FAM78B: variants seen among roughly 807,000 people sequenced by gnomAD.
FAM78B encodes family with sequence similarity 78 member B.
Under a neutral mutation model 20.0 loss-of-function variants are expected in FAM78B, and 10 were observed. That is an observed-to-expected ratio of 0.50 (90% CI 0.31 to 0.85). FAM78B has a LOEUF of 0.85. Ranked by LOEUF, FAM78B falls within the 40% of genes least tolerant of loss-of-function variation. FAM78B has a pLI of 0.05. For missense variants in FAM78B, 283 were observed against 345.0 expected (o/e 0.82, Z 1.42); for synonymous variants, 135 against 132.8 (o/e 1.02, Z -0.12).
intron 1 of FAM78B, chr1:166,147,693 G>A (rs12031538): frequency 0.21 from 31,328 of 152,022 alleles, 3,880 homozygotes; most frequent in South Asian, 0.39. Flanking sequence ...GTGGAGCAGT[G>A]CAATCATAGC....
intron 1 of FAM78B, among the ~76,000 whole-genome samples, chr1:166,084,949 A>T (rs977241633): frequency 6.6e-6 from 1 of 152,188 alleles, no homozygotes; most frequent in African/African-American, 2.4e-5. Context: ...TGAACACCTA[A>T]TGCCTTTCTT....
intron 1 of FAM78B, among the ~76,000 whole-genome samples, chr1:166,158,963 G>C (rs1656029292): frequency 1.3e-5 from 2 of 152,234 alleles, no homozygotes; most frequent in South Asian, 4.1e-4. Flanking sequence ...CTTGTGGCCT[G>C]CTTGGTGTTA....
At chr1:166,140,943 C>G (rs1655253563) in intron 1 of FAM78B, among the ~76,000 whole-genome samples, 1 of 152,196 alleles carries the variant, frequency 6.6e-6, no homozygotes, top group Non-Finnish European at 1.5e-5. Flanking sequence ...TGGCAACTTA[C>G]TTGGAGTTCA....
At chr1:166,140,754 G>T (rs1343375748) in intron 1 of FAM78B, among the ~76,000 whole-genome samples, 2 of 152,074 alleles carry the variant, frequency 1.3e-5, no homozygotes, top group Non-Finnish European at 2.9e-5. Flanking sequence ...CCTTTTTTGG[G>T]GGTATGATTT....
At chr1:166,134,875 A>G (rs934407968) in intron 1 of FAM78B, among the ~76,000 whole-genome samples, 1 of 152,236 alleles carries the variant, frequency 6.6e-6, no homozygotes, top group Non-Finnish European at 1.5e-5. Context: ...TCTAGGAGTA[A>G]TGATTTTCAC....
At chr1:166,084,351 C>A (rs775972142) in intron 1 of FAM78B, among the ~76,000 whole-genome samples, 2 of 152,054 alleles carry the variant, frequency 1.3e-5, no homozygotes, top group Non-Finnish European at 2.9e-5. Flanking sequence ...AGCCTAGATG[C>A]CCTTTCTGGC....
intron 1 of FAM78B, among the ~76,000 whole-genome samples, chr1:166,114,212 T>C (rs1654173689): frequency 6.6e-6 from 1 of 152,188 alleles, no homozygotes; most frequent in Non-Finnish European, 1.5e-5. Flanking sequence ...ACATGCATGA[T>C]CCAACTAAAT....
At chr1:166,109,653 C>T (rs1418504417) in intron 1 of FAM78B, among the ~76,000 whole-genome samples, 1 of 150,670 alleles carries the variant, frequency 6.6e-6, no homozygotes, top group Non-Finnish European at 1.5e-5. Context: ...ACCAGTCACA[C>T]TATTGAGTAT....
At chr1:166,108,541 C>T (rs944563875) in intron 1 of FAM78B, among the ~76,000 whole-genome samples, 1 of 152,148 alleles carries the variant, frequency 6.6e-6, no homozygotes, top group Non-Finnish European at 1.5e-5. Flanking sequence ...ACATCCCACG[C>T]TTATGGATGG....
chr1:166,082,758 AG>A (rs1652631705), intron 1 of FAM78B: 1 of 152,636 alleles, frequency 6.6e-6, no homozygotes, highest in Non-Finnish European at 1.5e-5. Context: ...GGTGAGTTCA[AG>A]GGAGCTGCAG....
chr1:166,159,593 C>T (rs1022031773), intron 1 of FAM78B, among the ~76,000 whole-genome samples: 1 of 152,134 alleles, frequency 6.6e-6, no homozygotes, highest in Non-Finnish European at 1.5e-5. Flanking sequence ...AGCATTTGTC[C>T]CTGCTGCCTG....
At chr1:166,108,054 G>C (rs1054681672) in intron 1 of FAM78B, among the ~76,000 whole-genome samples, 4 of 152,062 alleles carry the variant, frequency 2.6e-5, no homozygotes, top group African/African-American at 4.8e-5. Flanking sequence ...ATAGGGAAAG[G>C]TCGAAAGCAT....
At chr1:166,164,907 G>A (rs1424143536) in intron 1 of FAM78B, 1 of 152,242 alleles carries the variant, frequency 6.6e-6, no homozygotes, top group Non-Finnish European at 1.5e-5. Flanking sequence ...CATTGTAACA[G>A]CAGGTAGAAG....
intron 1 of FAM78B, among the ~76,000 whole-genome samples, chr1:166,136,551 CT>C (rs1387661748): frequency 2.0e-5 from 3 of 152,180 alleles, no homozygotes; most frequent in Non-Finnish European, 4.4e-5. Flanking sequence ...TCCTCTTCCC[CT>C]CTTTACAACA....
intron 2 of FAM78B, among the ~76,000 whole-genome samples, chr1:166,061,916 G>A (rs181097571): frequency 4.3e-4 from 66 of 152,340 alleles, no homozygotes; most frequent in African/African-American, 1.6e-3. Context: ...GGACCATACT[G>A]GAGAGATGCC....
intron 1 of FAM78B, among the ~76,000 whole-genome samples, chr1:166,111,079 A>C (rs1274243731): frequency 6.6e-6 from 1 of 152,166 alleles, no homozygotes; most frequent in Non-Finnish European, 1.5e-5. Flanking sequence ...CTCTGTGTGA[A>C]GATAAGCTGA....
At chr1:166,071,020 A>G (rs906495809) in intron 1 of FAM78B, among the ~76,000 whole-genome samples, 6 of 152,220 alleles carry the variant, frequency 3.9e-5, no homozygotes, top group Admixed American at 3.9e-4. Context: ...AAGCTCAAAA[A>G]GGCAGTTGTG....
At chr1:166,111,546 T>C (rs558824238) in intron 1 of FAM78B, among the ~76,000 whole-genome samples, 3 of 152,248 alleles carry the variant, frequency 2.0e-5, no homozygotes, top group Middle Eastern at 3.2e-3. Context: ...TTTGGAAATA[T>C]AAAAAGTCTC....
At chr1:166,099,631 T>C (rs866984580) in intron 1 of FAM78B, among the ~76,000 whole-genome samples, 2 of 152,158 alleles carry the variant, frequency 1.3e-5, no homozygotes, top group South Asian at 2.1e-4. Flanking sequence ...GCTATTCTTA[T>C]ATCAGACAAA....
Sources: gnomAD v4.1 joint callset for allele counts (sites outside exome capture counted in the v4.1 genomes callset) on GRCh38, gnomAD v4.1.1 for gene constraint, MANE v1.5 for transcripts, NCBI Gene and HGNC (gene_info 2026-07-23, HGNC 2026-07-21) for gene names.